CA10: variants seen among roughly 807,000 people sequenced by gnomAD.
The protein encoded by CA10 is carbonic anhydrase-related protein 10.
In CA10, 14 loss-of-function variants were observed where a neutral mutation model predicts 44.2. The observed-to-expected ratio is 0.32, with a 90% CI of 0.21 to 0.50. CA10 has a LOEUF of 0.50. Among genes scored for constraint, CA10 ranks in the 20% least tolerant of loss-of-function variants. CA10 has a pLI of 0.99. For synonymous variants in CA10, 159 were observed against 141.6 expected (o/e 1.12, Z -0.87); for missense variants, 350 against 409.7 (o/e 0.85, Z 1.26).
rs373065502 is a variant in CA10 at position 51,635,837 on chromosome 17, G to A, written c.789+18C>T. The A allele has an allele frequency of 1.2e-5, 18 of 1,532,290 alleles. No individual in the cohort carries two copies. The African/African-American group carries it at 2.3e-4, about 20-fold the overall frequency. The allele number at this position is 1,532,290 out of a possible 1,614,324, so 94.9% of individuals were successfully genotyped here. On this transcript the variant is annotated intron_variant, in intron 7 of 8. Transcript: ENST00000451037. ...CATCATTCTTCTCCATTAGCTAAAT[G>A]ACCAGAGAGAAACTCACCTGCATCC...
At chr17:51,844,281 TTG>T (rs1364958700) in intron 3 of CA10, among the ~76,000 whole-genome samples, 10 of 152,190 alleles carry the variant, frequency 6.6e-5, no homozygotes, top group Admixed American at 2.6e-4. Flanking sequence ...ATAACCCTTT[TTG>T]TGATGTTGAG....
At chr17:51,899,591 C>T (rs1334197592) in intron 3 of CA10, among the ~76,000 whole-genome samples, 2 of 151,928 alleles carry the variant, frequency 1.3e-5, no homozygotes, top group Non-Finnish European at 2.9e-5. Flanking sequence ...AGCTCAGGTC[C>T]CAAACATATT....
chr17:51,797,873 A>AAAAAAAAAC, intron 3 of CA10, among the ~76,000 whole-genome samples: 2 of 147,818 alleles, frequency 1.4e-5, no homozygotes, highest in Non-Finnish European at 3.0e-5. Flanking sequence ...AAAAAAAAAA[A>AAAAAAAAAC]AAGAACGAAA....
At chr17:52,070,738 C>T (rs1007077723) in intron 2 of CA10, among the ~76,000 whole-genome samples, 2 of 152,136 alleles carry the variant, frequency 1.3e-5, no homozygotes, top group African/African-American at 4.8e-5. Context: ...CAACAACCAA[C>T]TCAAAATAGG....
At chr17:51,911,999 T>C (rs1981807652) in intron 3 of CA10, among the ~76,000 whole-genome samples, 1 of 152,182 alleles carries the variant, frequency 6.6e-6, no homozygotes, top group Admixed American at 6.6e-5. Context: ...ATTACTTTAG[T>C]AATTCATGTA....
intron 4 of CA10, among the ~76,000 whole-genome samples, chr17:51,707,929 C>A (rs1941229431): frequency 6.6e-6 from 1 of 152,064 alleles, no homozygotes; most frequent in African/African-American, 2.4e-5. Flanking sequence ...GAGCTGCTGG[C>A]AATTCATGAT....
intron 3 of CA10, among the ~76,000 whole-genome samples, chr17:51,771,731 T>C (rs986212795): frequency 2.0e-5 from 3 of 152,220 alleles, no homozygotes; most frequent in African/African-American, 7.2e-5. Context: ...ATTGAACTTG[T>C]ACTTGGAACA....
intron 4 of CA10, among the ~76,000 whole-genome samples, chr17:51,736,855 T>TGAATGAAG (rs1916930991): frequency 6.6e-6 from 1 of 152,008 alleles, no homozygotes. Flanking sequence ...GAGGAGAAGG[T>TGAATGAAG]GAATGAAGGA....
At chr17:51,653,348 A>G (rs1032077953) in intron 5 of CA10, among the ~76,000 whole-genome samples, 1 of 151,964 alleles carries the variant, frequency 6.6e-6, no homozygotes, top group African/African-American at 2.4e-5. Flanking sequence ...ATTTCACTGC[A>G]TTAGGTGGGT....
intron 3 of CA10, among the ~76,000 whole-genome samples, chr17:51,751,371 A>G (rs1904884372): frequency 6.6e-6 from 1 of 152,236 alleles, no homozygotes; most frequent in Admixed American, 6.5e-5. Context: ...AACAATATGA[A>G]TGTACTTAAC....
chr17:51,906,281 T>C (rs1017670651), intron 3 of CA10, among the ~76,000 whole-genome samples: 7 of 152,140 alleles, frequency 4.6e-5, no homozygotes, highest in East Asian at 1.9e-4. Context: ...AGCAGGTTTT[T>C]CCCCCCGGTA....
At chr17:51,718,195 C>T (rs1056930148) in intron 4 of CA10, among the ~76,000 whole-genome samples, 24 of 151,294 alleles carry the variant, frequency 1.6e-4, no homozygotes, top group African/African-American at 5.6e-4. Context: ...CAAATACCAC[C>T]TGTACCCCAA....
chr17:51,704,978 A>AG (rs1425110933), intron 4 of CA10, among the ~76,000 whole-genome samples: 2 of 151,698 alleles, frequency 1.3e-5, no homozygotes, highest in East Asian at 3.9e-4. Context: ...AAAAAAAAAA[A>AG]AGAAAAAGAA....
At chr17:51,741,385 C>T (rs1482180285) in intron 4 of CA10, among the ~76,000 whole-genome samples, 1 of 152,196 alleles carries the variant, frequency 6.6e-6, no homozygotes, top group Non-Finnish European at 1.5e-5. Flanking sequence ...CAGAGAAATT[C>T]CAGAACATGT....
At chr17:52,046,850 G>T (rs1986925888) in intron 2 of CA10, among the ~76,000 whole-genome samples, 1 of 151,848 alleles carries the variant, frequency 6.6e-6, no homozygotes, top group South Asian at 2.1e-4. Context: ...GTCAAGTGCA[G>T]TTCATCCCAG....
chr17:52,050,991 G>GGGAAGGAA (rs528583103), intron 2 of CA10, among the ~76,000 whole-genome samples: 69 of 148,454 alleles, frequency 4.6e-4, no homozygotes, highest in South Asian at 3.2e-3. Flanking sequence ...AGAAAAAAAA[G>GGGAAGGAA]GGAAGGAAGG....
chr17:51,753,822 T>G (rs1305655700), intron 3 of CA10, among the ~76,000 whole-genome samples: 2 of 152,160 alleles, frequency 1.3e-5, no homozygotes, highest in African/African-American at 4.8e-5. Context: ...TTTTAACCAC[T>G]GGAAATTATT....
At chr17:52,108,613 T>C (rs2143276076) in intron 1 of CA10, among the ~76,000 whole-genome samples, 1 of 146,758 alleles carries the variant, frequency 6.8e-6, no homozygotes, top group Admixed American at 7.1e-5. Context: ...GGCAGGAGAA[T>C]CGCTTGAACC....
At chr17:51,986,426 C>T (rs1362267420) in intron 2 of CA10, among the ~76,000 whole-genome samples, 2 of 151,894 alleles carry the variant, frequency 1.3e-5, no homozygotes, top group African/African-American at 4.8e-5. Flanking sequence ...CAGAGAAATC[C>T]TTGTAGATGT....
Sources: allele counts gnomAD v4.1 joint callset (sites outside exome capture counted in the v4.1 genomes callset), GRCh38; gene constraint gnomAD v4.1.1; transcripts MANE v1.5; gene names NCBI Gene and HGNC (gene_info 2026-07-23, HGNC 2026-07-21).